CHAF1A: variants seen among roughly 807,000 people sequenced by gnomAD.
The protein encoded by CHAF1A is CAF-1 subunit A.
A neutral mutation model predicts 93.2 loss-of-function variants in CHAF1A; 5 were observed. The observed-to-expected ratio is 0.05, with a 90% CI of 0.03 to 0.11. The LOEUF (loss-of-function observed/expected upper bound fraction) is 0.11, where lower values mean the gene tolerates loss of function less well. CHAF1A is among the 10% of genes least tolerant of loss of function. CHAF1A has a pLI of 1.00. For missense variants in CHAF1A, 1,102 were observed against 1,259.9 expected, an observed-to-expected ratio of 0.87 and a Z score of 1.90; for synonymous variants, 504 against 510.3, an observed-to-expected ratio of 0.99 and a Z score of 0.17.
chr19:4,444,645 C>A (rs1275405541), downstream of CHAF1A: 1 of 146,310 alleles, frequency 6.8e-6, no homozygotes, highest in African/African-American at 2.4e-5. Flanking sequence ...CAGCTCAAGA[C>A]CTTTCATCAT....
chr19:4,413,324 C>T (rs1003306131), intron 3 of CHAF1A, among the ~76,000 whole-genome samples: 1 of 152,130 alleles, frequency 6.6e-6, no homozygotes, highest in African/African-American at 2.4e-5. Context: ...CCCGCCTCGG[C>T]CTCCCAAAGT....
chr19:4,409,200 A>G lies in CHAF1A; in HGVS notation c.401A>G (p.Asn134Ser), dbSNP rs745861368. Residue 134 changes from asparagine to serine, a missense_variant, in exon 3 of 15, where the codon AAT (asparagine) becomes AGT (serine). Transcript: ENST00000301280. ...CAGCCAGACAGTCTTGTGGACCACAATAAACTAAATTCTGAAGCCTCTCCC... is the reference window on the plus strand; with the variant it reads ...CAGCCAGACAGTCTTGTGGACCACAGTAAACTAAATTCTGAAGCCTCTCCC... ...NEQPDSLVDH[N>S]KLNSEASPSR... 4.7e-5 allele frequency: 76 copies of G among 1,614,108 alleles called. No individual in the cohort carries two copies. Among genetic ancestry groups the G allele is most frequent in the South Asian group, 8.8e-5 (8 of 91,088 alleles).
chr19:4,409,898 C>T, intron 3 of CHAF1A, 139 bp downstream of exon 3: 1 of 932,994 alleles, frequency 1.1e-6, no homozygotes, highest in East Asian at 2.6e-5. Context: ...ACGTGGAGTT[C>T]TTCCTGGTAT....
chr19:4,402,950 T>C, intron 1 of CHAF1A, 136 bp downstream of exon 1: 2 of 408,068 alleles, frequency 4.9e-6, no homozygotes, highest in Admixed American at 4.9e-5. Context: ...CCCTGGGGCC[T>C]TCTCATCCCC....
intron 13 of CHAF1A, among the ~76,000 whole-genome samples, chr19:4,436,031 C>T (rs937680949): frequency 1.3e-5 from 2 of 152,090 alleles, no homozygotes; most frequent in Admixed American, 1.3e-4. Context: ...CTCAGCTACT[C>T]GGGAGGTTGA....
In CHAF1A at chr19:4,432,164, G is replaced by A. The variant is rs776220541; in HGVS notation, c.2160G>A (p.Glu720=). 4 of 1,612,002 alleles carry A rather than the reference G, an allele frequency of 2.5e-6. No homozygotes were observed. In the South Asian group the frequency reaches 3.3e-5, roughly 13 times the overall value. The change falls in exon 12 of 15, where the codon GAG becomes GAA. Residue 720 remains glutamate, a synonymous_variant. Transcript: ENST00000301280. ...TGGAGACCCTGCCGGCCCAGGAGGA[G>A]CAGACGCCCAAGGCCTCCAAGCGGG... ...CFLETLPAQE[E]QTPKASKRER... is the part of the protein sequence containing the mutation.
At chr19:4,447,054 G>T (rs1303639122), downstream of CHAF1A, 4 of 808,860 alleles carry the variant, frequency 4.9e-6, no homozygotes, top group Non-Finnish European at 6.0e-6. Context: ...AGCCCTGGGG[G>T]TGCCTCAGTG....
At chr19:4,430,179 C>T (rs1404304651) in intron 10 of CHAF1A, 3 of 322,386 alleles carry the variant, frequency 9.3e-6, no homozygotes, top group Admixed American at 4.7e-5. Context: ...CACAGCTTTA[C>T]ATTTTTTTGT....
chr19:4,437,917 T>A (rs1335766255), intron 13 of CHAF1A, among the ~76,000 whole-genome samples: 1 of 151,678 alleles, frequency 6.6e-6, no homozygotes, highest in East Asian at 2.0e-4. Flanking sequence ...TTTTTTGTAT[T>A]TTTTTAGTAG....
chr19:4,429,871 C>G (rs1974149880), intron 10 of CHAF1A, 83 bp downstream of exon 10: 2 of 1,237,720 alleles, frequency 1.6e-6, no homozygotes, highest in African/African-American at 1.5e-5. Context: ...AAGGATGCAG[C>G]CCAGCTGTGT....
At chr19:4,425,784 T>C (rs1442460341) in intron 7 of CHAF1A, among the ~76,000 whole-genome samples, 2 of 152,212 alleles carry the variant, frequency 1.3e-5, no homozygotes, top group South Asian at 2.1e-4. Context: ...TGAAGCATCA[T>C]GAGCCATGGC....
intron 11 of CHAF1A, among the ~76,000 whole-genome samples, chr19:4,431,311 T>G (rs979475509): frequency 6.6e-6 from 1 of 152,022 alleles, no homozygotes; most frequent in African/African-American, 2.4e-5. Flanking sequence ...GTATTTTTAG[T>G]AGAGACGGGA....
chr19:4,423,418 TC>T (rs1206326346), intron 6 of CHAF1A, 23 bp downstream of exon 6: 8 of 1,613,400 alleles, frequency 5.0e-6, no homozygotes, highest in Admixed American at 1.7e-5. Flanking sequence ...CCACAGAGCT[TC>T]CCCGTCCCAG....
At chr19:4,412,853 G>A (rs1021635740) in intron 3 of CHAF1A, among the ~76,000 whole-genome samples, 3 of 152,160 alleles carry the variant, frequency 2.0e-5, no homozygotes, top group African/African-American at 7.2e-5. Flanking sequence ...GCCTATGGCA[G>A]AAAGCGGCCA....
chr19:4,446,272 T>C (rs1477341228), downstream of CHAF1A: 2 of 1,570,506 alleles, frequency 1.3e-6, no homozygotes. Flanking sequence ...ACGGGCATCG[T>C]TGGTGCCCAC....
chr19:4,402,745 C>T lies in CHAF1A; in HGVS notation c.-18C>T, dbSNP rs1056892374. On this transcript the variant is annotated 5_prime_UTR_variant, in exon 1 of 15. Coordinates refer to ENST00000301280, the MANE Select transcript of CHAF1A (RefSeq NM_005483.3). ...GCGCCTCCGCCGCCTGAGAGGAGGT[C>T]GAGCTGCCGCCGGGGCGATGCTGGA... is the stretch of plus-strand genomic sequence containing the variant. 6.7e-6 allele frequency: 8 copies of T among 1,200,822 alleles called. No homozygotes were observed. The highest frequency in any genetic ancestry group is 8.3e-6 in the Non-Finnish European group (8 of 967,812). The allele number at this position is 1,200,822 out of a possible 1,614,324, so 74.4% of individuals were successfully genotyped here. A position where few individuals can be genotyped will look rare whatever the true frequency, so the allele number is the denominator to read the frequency against.
Position 4,442,498 on chromosome 19 carries a change from C to T in CHAF1A, c.2770+157C>T, listed in dbSNP as rs375077316. 1.6e-3 allele frequency among the ~76,000 whole-genome samples: 247 copies of T among 152,274 alleles called. 2 individuals are homozygous for T. The highest frequency in any genetic ancestry group is 5.4e-3 in the African/African-American group (225 of 41,554). On this transcript the variant is annotated intron_variant, in intron 14 of 14. Transcript: ENST00000301280. ...GCTCCTGCCCTGCCACATCCTCGGG[C>T]GGGCTGGGCCGTGGGTGCTGACCAT...
chr19:4,413,774 G>T (rs1973850068), intron 3 of CHAF1A, among the ~76,000 whole-genome samples: 1 of 152,154 alleles, frequency 6.6e-6, no homozygotes, highest in Admixed American at 6.6e-5. Context: ...GGTTTTTGTT[G>T]TTGTTTTAGT....
At chr19:4,444,938 C>G (rs912033404), downstream of CHAF1A, 1 of 154,520 alleles carries the variant, frequency 6.5e-6, no homozygotes, top group Non-Finnish European at 1.4e-5. Context: ...ACCCAGCCCC[C>G]AAGCCATCCG....
Sources: allele counts gnomAD v4.1 joint callset (sites outside exome capture counted in the v4.1 genomes callset), GRCh38; gene constraint gnomAD v4.1.1; transcripts MANE v1.5; gene names NCBI Gene and HGNC (gene_info 2026-07-23, HGNC 2026-07-21).